The following PCDHA8 variants were observed in gnomAD, a reference collection of about 807,000 sequenced individuals.
PCDHA8 encodes the protein protocadherin alpha 8, also known as protocadherin alpha-8.
PCDHA8 carries 53 observed loss-of-function variants against 61.8 expected under a neutral mutation model. The observed-to-expected ratio is 0.86, with a 90% CI of 0.69 to 1.08. PCDHA8 has a LOEUF of 1.08. Ranked by LOEUF, PCDHA8 falls within the 50% of genes least tolerant of loss-of-function variation. PCDHA8 has a pLI of 0.00. For synonymous variants in PCDHA8, 618 were observed against 556.6 expected (o/e 1.11, Z -1.55); for missense variants, 1,293 against 1,245.0 (o/e 1.04, Z -0.58).
chr5:140,916,084 C>T (rs1330761804), intron 1 of PCDHA8, among the ~76,000 whole-genome samples: 3 of 152,186 alleles, frequency 2.0e-5, no homozygotes, highest in Non-Finnish European at 4.4e-5. Flanking sequence ...TACCACTGGT[C>T]CACAGGGAAT....
At chr5:140,885,070 T>C (rs1253345040) in intron 1 of PCDHA8, among the ~76,000 whole-genome samples, 1 of 152,232 alleles carries the variant, frequency 6.6e-6, no homozygotes, top group African/African-American at 2.4e-5. Flanking sequence ...CAAGATATTA[T>C]TTTAAAGAGC....
rs140986120 is a variant in PCDHA8 at position 140,846,525 on chromosome 5, C to A, written c.2394+2810C>A. On this transcript the variant is annotated intron_variant, in intron 1 of 3. Coordinates refer to ENST00000531613, the MANE Select transcript of PCDHA8 (RefSeq NM_018911.3). ...AAGTAGCTGGGATTACAGGTGCATG[C>A]CACCATGCCCTGCTAATTTTTTGTA... 3.4e-5 allele frequency among the ~76,000 whole-genome samples: 5 copies of A among 148,378 alleles called. 1 individual carries two copies. The highest frequency in any genetic ancestry group is 1.2e-4 in the African/African-American group (5 of 40,594).
chr5:140,952,028 T>C (rs2094677235), intron 1 of PCDHA8, among the ~76,000 whole-genome samples: 1 of 152,164 alleles, frequency 6.6e-6, no homozygotes, highest in Non-Finnish European at 1.5e-5. Flanking sequence ...AAGTCCGAAA[T>C]CCAGTAGGGC....
At chr5:140,976,454 G>A (rs550788004) in intron 1 of PCDHA8, among the ~76,000 whole-genome samples, 18 of 152,214 alleles carry the variant, frequency 1.2e-4, no homozygotes, top group South Asian at 2.1e-4. Flanking sequence ...GGGAGGCTGG[G>A]GAAGAAGAAT....
At chr5:140,857,471 A>T (rs2044616338) in intron 1 of PCDHA8, 1 of 1,598,536 alleles carries the variant, frequency 6.3e-7, no homozygotes, top group Non-Finnish European at 8.6e-7. Context: ...CCACATCTTC[A>T]CGGTGTCTGC....
rs782681619 is a variant in PCDHA8, at chr5:141,009,600, A to G, written c.2543-27A>G. On this transcript the variant is annotated intron_variant, in intron 3 of 3. Coordinates refer to ENST00000531613, the MANE Select transcript of PCDHA8 (RefSeq NM_018911.3). ...ATCAAGAGCATGTGTTGACCCTGTT[A>G]ATGATTTGTAATGTTTTGTCTTTCA... The G allele has an allele frequency of 1.9e-6, 3 of 1,607,002 alleles. No individual in the cohort carries two copies. In the Admixed American group the frequency reaches 5.0e-5, roughly 27 times the overall value.
At chr5:140,883,190 C>G in intron 1 of PCDHA8, 1 of 1,613,818 alleles carries the variant, frequency 6.2e-7, no homozygotes, top group Non-Finnish European at 8.5e-7. Context: ...AAAAGGCAAA[C>G]TAGATTTCGA....
At chr5:140,901,284 G>T (rs868936344) in intron 1 of PCDHA8, among the ~76,000 whole-genome samples, 1 of 152,046 alleles carries the variant, frequency 6.6e-6, no homozygotes, top group Admixed American at 6.6e-5. Flanking sequence ...AGAAATTTTT[G>T]CCCAGACTGA....
At chr5:140,883,455 A>T in intron 1 of PCDHA8, 1 of 1,614,128 alleles carries the variant, frequency 6.2e-7, no homozygotes, top group East Asian at 2.2e-5. Flanking sequence ...GTCCCCTTCA[A>T]GCTGGTGTCC....
At position 140,924,761 on chromosome 5, in the gene PCDHA8, G is replaced by T. The variant is rs979984304; in HGVS notation, c.2395-54188G>T. On this transcript the variant is annotated intron_variant, in intron 1 of 3. Coordinates refer to ENST00000531613, the MANE Select transcript of PCDHA8 (RefSeq NM_018911.3). Reference sequence around the variant, plus strand: ...AATACAAAAATTAACCGAGCATGGTGGTGCGCGCTTGTAGTCCTAGCTACT... The same window carrying T: ...AATACAAAAATTAACCGAGCATGGTTGTGCGCGCTTGTAGTCCTAGCTACT... Among the ~76,000 whole-genome samples the T allele has an allele frequency of 5.3e-5, 8 of 151,864 alleles. No individual in the cohort carries two copies. The East Asian group carries it at 1.5e-3, about 29-fold the overall frequency.
chr5:140,903,987 C>A (rs1324981597), intron 1 of PCDHA8, among the ~76,000 whole-genome samples: 1 of 152,146 alleles, frequency 6.6e-6, no homozygotes, highest in Non-Finnish European at 1.5e-5. Flanking sequence ...CACAATGTAA[C>A]AGCTACAAAT....
At chr5:140,928,634 C>G in intron 1 of PCDHA8, 1 of 1,614,216 alleles carries the variant, frequency 6.2e-7, no homozygotes, top group Non-Finnish European at 8.5e-7. Flanking sequence ...CACTTGGTCA[C>G]AAAAGTGGTA....
At chr5:140,996,811 A>G (rs2097746792) in intron 3 of PCDHA8, among the ~76,000 whole-genome samples, 1 of 152,212 alleles carries the variant, frequency 6.6e-6, no homozygotes, top group African/African-American at 2.4e-5. Flanking sequence ...ATGCTTTCCA[A>G]AAGTAACCAC....
In PCDHA8 at chr5:140,884,106, T is replaced by C; in HGVS notation, c.2394+40391T>C. 1 of 1,613,420 alleles carries C rather than the reference T, an allele frequency of 6.2e-7. No individual in the cohort carries two copies. The highest frequency in any genetic ancestry group is 8.5e-7 in the Non-Finnish European group (1 of 1,179,712). On this transcript the variant is annotated intron_variant, in intron 1 of 3. Transcript: ENST00000531613. ...GCGTGGCTTTCGTATGAATTGCAGC[T>C]GGCGGCGGTCGGCGCGCGCATCCCG...
At chr5:140,850,240 T>A (rs2041453726) in intron 1 of PCDHA8, 1 of 1,593,332 alleles carries the variant, frequency 6.3e-7, no homozygotes, top group Non-Finnish European at 8.6e-7. Context: ...GAGATGGTGC[T>A]GCGGTCGGTG....
At chr5:140,924,395 G>C (rs919795787) in intron 1 of PCDHA8, among the ~76,000 whole-genome samples, 1 of 152,024 alleles carries the variant, frequency 6.6e-6, no homozygotes, top group East Asian at 1.9e-4. Context: ...TACTTATATT[G>C]CCTTATATCA....
intron 1 of PCDHA8, chr5:140,871,675 T>C (rs1474564343): frequency 8.8e-7 from 1 of 1,142,376 alleles, no homozygotes; most frequent in African/African-American, 1.6e-5. Flanking sequence ...CTTTTAATCA[T>C]ATGAATAATC....
At position 140,858,521 on chromosome 5, in the gene PCDHA8, A is replaced by T. The variant is rs782589492; in HGVS notation, c.2394+14806A>T. 6.3e-6 allele frequency: 9 copies of T among 1,420,880 alleles called. 2 individuals are homozygous for T. The African/African-American group carries it at 1.3e-4, about 20-fold the overall frequency. 88.0% of individuals were successfully genotyped at this position (1,420,880 alleles called of 1,614,324 possible). ...CATTTTCTCAAATATGTATCAGAAT[A>T]TTTCATTTTTGTCTACATTCCATTT... On this transcript the variant is annotated intron_variant, in intron 1 of 3. Transcript: ENST00000531613.
chr5:141,007,158 A>C (rs1231758700), intron 3 of PCDHA8, among the ~76,000 whole-genome samples: 1 of 152,198 alleles, frequency 6.6e-6, no homozygotes, highest in African/African-American at 2.4e-5. Context: ...CTGTCAAAGA[A>C]CAGTCAGAGA....
Sources: gnomAD v4.1 joint callset for allele counts (sites outside exome capture counted in the v4.1 genomes callset) on GRCh38, gnomAD v4.1.1 for gene constraint, MANE v1.5 for transcripts, NCBI Gene and HGNC (gene_info 2026-07-23, HGNC 2026-07-21) for gene names.